SCGB1D1: variants seen among roughly 807,000 people sequenced by gnomAD.
SCGB1D1 encodes the protein lipophilin A (uteroglobin family member).
A neutral mutation model predicts 8.3 loss-of-function variants in SCGB1D1; 10 were observed. The observed-to-expected ratio is 1.21, with a 90% CI of 0.74 to 2.05. The LOEUF (loss-of-function observed/expected upper bound fraction) is 2.05. Ranked by LOEUF, SCGB1D1 falls within the 30% of genes most tolerant of loss-of-function variation. The pLI is 0.00. For synonymous variants in SCGB1D1, 46 were observed against 41.7 expected (o/e 1.10, Z -0.39); for missense variants, 94 against 105.1 (o/e 0.89, Z 0.46).
At chr11:62,192,637 C>G (rs1944687906) in intron 2 of SCGB1D1, among the ~76,000 whole-genome samples, 1 of 152,096 alleles carries the variant, frequency 6.6e-6, no homozygotes. Context: ...AGTGTGGGAG[C>G]CTTGAACAGG....
intron 1 of SCGB1D1, among the ~76,000 whole-genome samples, chr11:62,191,265 C>T (rs564871495): frequency 3.9e-5 from 6 of 152,124 alleles, no homozygotes; most frequent in South Asian, 2.1e-4. Flanking sequence ...CATGGTGGGG[C>T]GCTTTCTGGA....
rs142192810 is a variant in SCGB1D1 at position 62,191,008 on chromosome 11, C to T, written c.55+669C>T. Among the ~76,000 whole-genome samples the T allele has an allele frequency of 4.4e-4, 67 of 152,224 alleles. 1 individual carries two copies. In the East Asian group the frequency reaches 0.012, roughly 28 times the overall value. On this transcript the variant is annotated intron_variant, in intron 1 of 2. Coordinates refer to ENST00000306238, the MANE Select transcript of SCGB1D1 (RefSeq NM_006552.2). ...TCAATATATCTTCTAGGGGTCCTAC[C>T]GTAATGGTGGTAGAAATACTACAAT...
rs1254115284 is a variant in SCGB1D1, at chr11:62,192,140, C to T, written c.140C>T (p.Ala47Val). 1 of 1,613,732 alleles carries T rather than the reference C, an allele frequency of 6.2e-7. No individual in the cohort carries two copies. The highest frequency in any genetic ancestry group is 2.2e-5 in the East Asian group (1 of 44,888). ...AAACCTGTGTTCAAGTTCCAACTTG[C>T]CAAATTTAAGGCACCTCTGGAAGCT... Reference protein sequence around the residue: ...AGKPVFKFQLAKFKAPLEAVA... With the variant: ...AGKPVFKFQLVKFKAPLEAVA... The change falls in exon 2 of 3, where the codon GCC (alanine) becomes GTC (valine). Residue 47 changes from alanine to valine, a missense_variant. Coordinates refer to ENST00000306238, the MANE Select transcript of SCGB1D1 (RefSeq NM_006552.2).
chr11:62,192,780 C>A (rs1944689007), intron 2 of SCGB1D1, among the ~76,000 whole-genome samples: 1 of 152,222 alleles, frequency 6.6e-6, no homozygotes. Context: ...CTCCCCTCCT[C>A]ACCCACGATG....
intron 1 of SCGB1D1, among the ~76,000 whole-genome samples, chr11:62,190,689 C>T (rs1019675964): frequency 1.3e-5 from 2 of 152,168 alleles, no homozygotes; most frequent in African/African-American, 4.8e-5. Flanking sequence ...CTCCCCGCGC[C>T]TCCTCCTATC....
chr11:62,193,295 T>A (rs903974652), intron 2 of SCGB1D1, 104 bp from the exon 3 acceptor site: 3 of 1,077,620 alleles, frequency 2.8e-6, no homozygotes, highest in African/African-American at 1.6e-5. Flanking sequence ...TACCCTTCAA[T>A]TGTCTTTGGG....
At chr11:62,193,273 G>A (rs761280687) in intron 2 of SCGB1D1, 126 bp from the exon 3 acceptor site, 2 of 773,604 alleles carry the variant, frequency 2.6e-6, no homozygotes, top group Non-Finnish European at 4.2e-6. Flanking sequence ...ACACACACTG[G>A]GTTCCTGCCT....
At chr11:62,192,554 C>T (rs1478237597) in intron 2 of SCGB1D1, among the ~76,000 whole-genome samples, 5 of 152,342 alleles carry the variant, frequency 3.3e-5, no homozygotes, top group African/African-American at 1.2e-4. Context: ...GGGCCAAGCA[C>T]AACTGTCTCT....
chr11:62,192,452 T>C (rs1333651398), intron 2 of SCGB1D1, among the ~76,000 whole-genome samples: 1 of 152,180 alleles, frequency 6.6e-6, no homozygotes, highest in Non-Finnish European at 1.5e-5. Context: ...TCCTGCATGT[T>C]CCTCCTTCTC....
At chr11:62,190,996 T>G (rs1303334686) in intron 1 of SCGB1D1, among the ~76,000 whole-genome samples, 1 of 152,208 alleles carries the variant, frequency 6.6e-6, no homozygotes, top group African/African-American at 2.4e-5. Context: ...ATATATCTTC[T>G]AGGGGTCCTA....
chr11:62,193,363 C>T (rs773697623), intron 2 of SCGB1D1, 36 bp from the exon 3 acceptor site: 12 of 1,605,698 alleles, frequency 7.5e-6, no homozygotes, highest in East Asian at 4.5e-5. Context: ...GCTGCATGAC[C>T]GACCTCACCT....
chr11:62,192,116 A>T lies in SCGB1D1; in HGVS notation c.116A>T (p.Lys39Ile), dbSNP rs746059212. ...ATCACAGGCTTCTTATTAGCTGGAA[A>T]ACCTGTGTTCAAGTTCCAACTTGCC... ...SEITGFLLAG[K>I]PVFKFQLAKF... Residue 39 changes from lysine (K) to isoleucine (I), a missense_variant, in exon 2 of 3, where the codon AAA (lysine) becomes ATA (isoleucine). By Grantham distance (102) the Lys-to-Ile change is moderately radical. Coordinates refer to ENST00000306238, the MANE Select transcript of SCGB1D1 (RefSeq NM_006552.2). 2 of 1,613,420 alleles carry T rather than the reference A, an allele frequency of 1.2e-6. No homozygotes were observed. Among genetic ancestry groups the T allele is most frequent in the Non-Finnish European group, 1.7e-6 (2 of 1,179,442 alleles).
rs1465942888 is a variant in SCGB1D1 at position 62,192,111 on chromosome 11, T to C, written c.111T>C (p.Ala37=). ...LGSEITGFLL[A]GKPVFKFQLA... is the part of the protein sequence containing the mutation. ...CTGAAATCACAGGCTTCTTATTAGC[T>C]GGAAAACCTGTGTTCAAGTTCCAAC... Residue 37 remains alanine (A), a synonymous_variant, in exon 2 of 3, where the codon GCT becomes GCC. Coordinates refer to ENST00000306238, the MANE Select transcript of SCGB1D1 (RefSeq NM_006552.2). 6.2e-7 allele frequency: 1 copy of C among 1,613,328 alleles called. No individual in the cohort carries two copies. Among genetic ancestry groups the C allele is most frequent in the Non-Finnish European group, 8.5e-7 (1 of 1,179,374 alleles).
chr11:62,191,432 G>A (rs1055689571), intron 1 of SCGB1D1, among the ~76,000 whole-genome samples: 1 of 152,134 alleles, frequency 6.6e-6, no homozygotes, highest in African/African-American at 2.4e-5. Flanking sequence ...GCAGAATATG[G>A]GCCAAGTACA....
At position 62,193,287 on chromosome 11, in the gene SCGB1D1, C is replaced by A. The variant is rs565534401; in HGVS notation, c.244-112C>A. 74 of 897,896 alleles carry A rather than the reference C, an allele frequency of 8.2e-5. 3 individuals are homozygous for A. In the Admixed American group the frequency reaches 1.6e-3, roughly 20 times the overall value. 55.6% of individuals were successfully genotyped at this position (897,896 alleles called of 1,614,324 possible). The stretch of plus-strand genomic sequence containing the variant: ...CACACACACTGGGTTCCTGCCTCTA[C>A]CCTTCAATTGTCTTTGGGAGCAGAA... On this transcript the variant is annotated intron_variant, in intron 2 of 2. Coordinates refer to ENST00000306238, the MANE Select transcript of SCGB1D1 (RefSeq NM_006552.2).
In SCGB1D1 at chr11:62,192,083, G is replaced by C. The variant is rs1339636532; in HGVS notation, c.83G>C (p.Gly28Ala). 1.2e-6 allele frequency: 2 copies of C among 1,611,048 alleles called. No individual in the cohort carries two copies. Among genetic ancestry groups the C allele is most frequent in the South Asian group, 2.2e-5 (2 of 90,914 alleles). ...RANAVVCQAL[G>A]SEITGFLLAG... ...AATGCAGTGGTCTGCCAAGCTCTTG[G>C]TTCTGAAATCACAGGCTTCTTATTA... is the stretch of plus-strand genomic sequence containing the variant. The change falls in exon 2 of 3, where the codon GGT becomes GCT. Residue 28 changes from glycine to alanine, a missense_variant. Coordinates refer to ENST00000306238, the MANE Select transcript of SCGB1D1 (RefSeq NM_006552.2).
rs1944683054 is a variant in SCGB1D1, at chr11:62,192,157, C to T, written c.157C>T (p.Leu53=). ...KFQLAKFKAP[L]EAVAAKMEVK... ...CCAACTTGCCAAATTTAAGGCACCT[C>T]TGGAAGCTGTTGCAGCCAAGATGGA... is the stretch of plus-strand genomic sequence containing the variant. The change falls in exon 2 of 3, where the codon CTG becomes TTG. Residue 53 remains leucine (L), a synonymous_variant. Coordinates refer to ENST00000306238, the MANE Select transcript of SCGB1D1 (RefSeq NM_006552.2). 1.9e-6 allele frequency: 3 copies of T among 1,614,008 alleles called. No individual in the cohort carries two copies. Among genetic ancestry groups the T allele is most frequent in the South Asian group, 1.1e-5 (1 of 91,058 alleles).
At chr11:62,192,309 T>A in intron 2 of SCGB1D1, 66 bp downstream of exon 2, 1 of 1,413,808 alleles carries the variant, frequency 7.1e-7, no homozygotes, top group Non-Finnish European at 9.8e-7. Context: ...TGAGGTCAGC[T>A]TGCTTGCTGC....
intron 2 of SCGB1D1, among the ~76,000 whole-genome samples, chr11:62,193,058 C>G (rs1477269787): frequency 6.6e-6 from 1 of 152,186 alleles, no homozygotes. Context: ...TCCCAGAGGC[C>G]CTCCCAGCCC....
Sources: allele counts gnomAD v4.1 joint callset (sites outside exome capture counted in the v4.1 genomes callset), GRCh38; gene constraint gnomAD v4.1.1; transcripts MANE v1.5; gene names NCBI Gene and HGNC (gene_info 2026-07-23, HGNC 2026-07-21).